The following DNM2 variants were observed in gnomAD, a reference collection of about 807,000 sequenced individuals.
The protein encoded by DNM2 is dynamin-2.
In DNM2, 15 loss-of-function variants were observed where a neutral mutation model predicts 99.0. The observed-to-expected ratio is 0.15, with a 90% CI of 0.10 to 0.23. The LOEUF (loss-of-function observed/expected upper bound fraction) is 0.23. Ranked by LOEUF, DNM2 falls within the 10% of genes least tolerant of loss-of-function variation. The pLI, the probability that DNM2 is intolerant of heterozygous loss-of-function variation, is 1.00. For missense variants in DNM2, 742 were observed against 1,189.4 expected (o/e 0.62, Z 5.53); for synonymous variants, 525 against 481.2 (o/e 1.09, Z -1.19).
At chr19:10,825,418 C>T (rs2073110436) in intron 18 of DNM2, among the ~76,000 whole-genome samples, 197 bp downstream of exon 18, 1 of 152,174 alleles carries the variant, frequency 6.6e-6, no homozygotes, top group Non-Finnish European at 1.5e-5. Flanking sequence ...CACCTGTAAT[C>T]CCAGCACTTT....
In DNM2 at chr19:10,823,622, T is replaced by C. The variant is rs1408868105; in HGVS notation, c.1782-166T>C. 4 of 646,426 alleles carry C rather than the reference T, an allele frequency of 6.2e-6. No individual in the cohort carries two copies. The South Asian group carries it at 6.8e-5, about 11-fold the overall frequency. 40.0% of individuals were successfully genotyped at this position (646,426 alleles called of 1,614,324 possible). ...GCCGAGCTTGTGCACAGCGCTCTTC[T>C]GTGTAGGCGTCACTCACGGTGACCC... On this transcript the variant is annotated intron_variant, in intron 16 of 20. Coordinates refer to ENST00000389253, the MANE Select transcript of DNM2 (RefSeq NM_001005361.3).
intron 17 of DNM2, 84 bp from the exon 18 acceptor site, chr19:10,824,973 G>A: frequency 2.5e-6 from 4 of 1,604,180 alleles, no homozygotes; most frequent in Non-Finnish European, 3.4e-6. Flanking sequence ...GTTATTGGTG[G>A]GACAATAGGG....
In DNM2 at chr19:10,816,662, G is replaced by A. The variant is rs566680379; in HGVS notation, c.1672-3318G>A. Among the ~76,000 whole-genome samples, 12 of 152,276 alleles carry A rather than the reference G, an allele frequency of 7.9e-5. No homozygotes were observed. Among genetic ancestry groups the A allele is most frequent in the African/African-American group, 2.9e-4 (12 of 41,562 alleles). ...CTGTGGTGTGTGGGCTGTCAGGCCG[G>A]CTGAGAGCTGGTGCCCTGCCTTTCA... On this transcript the variant is annotated intron_variant, in intron 15 of 20. Transcript: ENST00000389253. The surrounding 1 kb of genome is among the most constrained non-coding windows in gnomAD (Gnocchi z 4.6).
rs562738876 is a variant in DNM2, at chr19:10,739,814, C to A, written c.162-19924C>A. Among the ~76,000 whole-genome samples, 25 of 148,856 alleles carry A rather than the reference C, an allele frequency of 1.7e-4. 1 individual carries two copies. The highest frequency in any genetic ancestry group is 6.2e-4 in the African/African-American group (25 of 40,108). On this transcript the variant is annotated intron_variant, in intron 1 of 20. Transcript: ENST00000389253. ...AAGGTTGCAGTGAGCCGAGATCACT[C>A]CACTGCACTCTAGCCTGGGCAACAG... is the stretch of plus-strand genomic sequence containing the variant.
rs919429622 is a variant in DNM2, at chr19:10,764,650, C to T, written c.235+4839C>T. On this transcript the variant is annotated intron_variant, in intron 2 of 20. Transcript: ENST00000389253. The surrounding 1 kb of genome is among the most constrained non-coding windows in gnomAD (Gnocchi z 4.1). ...GGAACCAAGGAAGAGATGTCAGGAC[C>T]TGGCTCCAGGGCTTCCCATTGGCCT... Among the ~76,000 whole-genome samples the T allele has an allele frequency of 1.3e-5, 2 of 152,202 alleles. No individual in the cohort carries two copies. Among genetic ancestry groups the T allele is most frequent in the Non-Finnish European group, 2.9e-5 (2 of 68,040 alleles).
At chr19:10,754,341 C>T (rs781767278) in intron 1 of DNM2, among the ~76,000 whole-genome samples, 65 of 150,404 alleles carry the variant, frequency 4.3e-4, no homozygotes, top group African/African-American at 9.8e-4. Context: ...CTGCAGCCTC[C>T]GCCTCCCAGG....
chr19:10,759,612 TG>T, intron 1 of DNM2, 125 bp from the exon 2 acceptor site: 3 of 1,104,068 alleles, frequency 2.7e-6, no homozygotes, highest in Non-Finnish European at 2.8e-6. Flanking sequence ...AGGGCCCAGC[TG>T]GGGTTGGTGC....
chr19:10,738,641 C>T (rs2069620723), intron 1 of DNM2, among the ~76,000 whole-genome samples: 1 of 151,910 alleles, frequency 6.6e-6, no homozygotes, highest in Non-Finnish European at 1.5e-5. Flanking sequence ...GCGGGTGGAT[C>T]ACTTGAGGTC....
At chr19:10,786,323 G>A (rs1251958885) in intron 6 of DNM2, 1 of 613,640 alleles carries the variant, frequency 1.6e-6, no homozygotes, top group East Asian at 3.1e-5. Flanking sequence ...CCCAGTGCCT[G>A]ATGTCGGCCC....
intron 1 of DNM2, among the ~76,000 whole-genome samples, chr19:10,747,952 C>T (rs1002014065): frequency 1.3e-5 from 2 of 152,118 alleles, no homozygotes; most frequent in African/African-American, 4.8e-5. Flanking sequence ...GAGGGAACAG[C>T]CTGGGCAAAG....
Position 10,739,145 on chromosome 19 carries a change from C to T in DNM2, c.162-20593C>T, listed in dbSNP as rs756151286. Among the ~76,000 whole-genome samples, 3 of 152,270 alleles carry T rather than the reference C, an allele frequency of 2.0e-5. No homozygotes were observed. The South Asian group carries it at 6.2e-4, about 32-fold the overall frequency. On this transcript the variant is annotated intron_variant, in intron 1 of 20. Coordinates refer to ENST00000389253, the MANE Select transcript of DNM2 (RefSeq NM_001005361.3). ...CCGAGATCACGCCACTGCACTCCAGCCTGGGCGACAGAGCGAGACTCCGTC... is the reference window on the plus strand; with the variant it reads ...CCGAGATCACGCCACTGCACTCCAGTCTGGGCGACAGAGCGAGACTCCGTC...
At chr19:10,723,687 G>T (rs748574279) in intron 1 of DNM2, among the ~76,000 whole-genome samples, 1 of 152,214 alleles carries the variant, frequency 6.6e-6, no homozygotes, top group Non-Finnish European at 1.5e-5. Context: ...GGTGTTGTTC[G>T]TTCATTAAAA....
intron 1 of DNM2, among the ~76,000 whole-genome samples, chr19:10,723,247 C>T (rs2069001260): frequency 6.6e-6 from 1 of 151,652 alleles, no homozygotes; most frequent in Admixed American, 6.6e-5. Flanking sequence ...CATTCTCCTG[C>T]CTCAGCCTCC....
At chr19:10,745,177 C>T (rs2069919014) in intron 1 of DNM2, among the ~76,000 whole-genome samples, 1 of 152,196 alleles carries the variant, frequency 6.6e-6, no homozygotes, top group Non-Finnish European at 1.5e-5. Flanking sequence ...TCATCCCCCA[C>T]GCATAATCCA....
rs2072843494 is a variant in DNM2, at chr19:10,818,327, G to C, written c.1672-1653G>C. ...TGCCCTACTTCTTTGCCTAGAGCCT[G>C]GCAGGCTAATCCTGGAGCCGCTCAC... On this transcript the variant is annotated intron_variant, in intron 15 of 20. Transcript: ENST00000389253. The surrounding 1 kb of genome is among the most constrained non-coding windows in gnomAD (Gnocchi z 4.3). Among the ~76,000 whole-genome samples, 1 of 151,978 alleles carries C rather than the reference G, an allele frequency of 6.6e-6. No individual in the cohort carries two copies. Among genetic ancestry groups the C allele is most frequent in the Admixed American group, 6.5e-5 (1 of 15,282 alleles).
At chr19:10,825,417 T>C (rs1599631828) in intron 18 of DNM2, among the ~76,000 whole-genome samples, 196 bp downstream of exon 18, 1 of 152,026 alleles carries the variant, frequency 6.6e-6, no homozygotes, top group Non-Finnish European at 1.5e-5. Flanking sequence ...ACACCTGTAA[T>C]CCCAGCACTT....
chr19:10,746,162 T>C (rs914347243), intron 1 of DNM2, among the ~76,000 whole-genome samples: 5 of 152,310 alleles, frequency 3.3e-5, no homozygotes, highest in Non-Finnish European at 5.9e-5. Flanking sequence ...GGTTTCACCA[T>C]GTTGGCCAGG....
At chr19:10,787,437 C>T (rs1402666981) in intron 7 of DNM2, among the ~76,000 whole-genome samples, 1 of 150,394 alleles carries the variant, frequency 6.6e-6, no homozygotes, top group Non-Finnish European at 1.5e-5. Flanking sequence ...CGCAACTTCA[C>T]TCCAGCCTGG....
At position 10,817,416 on chromosome 19, in the gene DNM2, C is replaced by A; in HGVS notation, c.1672-2564C>A. On this transcript the variant is annotated intron_variant, in intron 15 of 20. Transcript: ENST00000389253. This position sits in a 1 kb window ranked among gnomAD's most constrained non-coding sequence, Gnocchi z 4.6. ...GGGGCCTGTCTCGACGAGCCGCTCA[C>A]CCAAGCCCAGCCTAACCAATGTGCA... is the stretch of plus-strand genomic sequence containing the variant. 2.0e-6 allele frequency: 1 copy of A among 510,112 alleles called. No homozygotes were observed. The highest frequency in any genetic ancestry group is 4.0e-6 in the Non-Finnish European group (1 of 248,174). 31.6% of individuals were successfully genotyped at this position (510,112 alleles called of 1,614,324 possible). A position where few individuals can be genotyped will look rare whatever the true frequency, so the allele number is the denominator to read the frequency against.
Sources: allele counts gnomAD v4.1 joint callset (sites outside exome capture counted in the v4.1 genomes callset), GRCh38; gene constraint gnomAD v4.1.1; non-coding constraint Gnocchi (gnomAD v3.1); transcripts MANE v1.5; gene names NCBI Gene and HGNC (gene_info 2026-07-23, HGNC 2026-07-21).